Variants in CNTNAP4 observed in about 807,000 individuals in gnomAD.
CNTNAP4 encodes contactin associated protein family member 4, also known as contactin-associated protein-like 4.
Under a neutral mutation model 148.4 loss-of-function variants are expected in CNTNAP4, and 98 were observed. The observed-to-expected ratio is 0.66, with a 90% CI of 0.56 to 0.78. The LOEUF (loss-of-function observed/expected upper bound fraction) is 0.78, where lower values mean the gene tolerates loss of function less well. Ranked by LOEUF, CNTNAP4 falls within the 30% of genes least tolerant of loss-of-function variation. CNTNAP4 has a pLI of 0.00. For missense variants in CNTNAP4, 1,935 were observed against 1,565.6 expected (o/e 1.24, Z -3.98); for synonymous variants, 730 against 565.1 (o/e 1.29, Z -4.14).
rs534190773 is a variant in CNTNAP4, at chr16:76,471,161, G to A, written c.1655+3638G>A. Among the ~76,000 whole-genome samples, 226 of 152,036 alleles carry A rather than the reference G, an allele frequency of 1.5e-3. 1 individual carries two copies. The highest frequency in any genetic ancestry group is 2.6e-3 in the Non-Finnish European group (180 of 67,962). Reference sequence around the variant, plus strand: ...AGAAGCCCTCCCCTTGTCCTCTGTGGACATGCAGTGGGGTGGCCCTCAGTC... The same window carrying A: ...AGAAGCCCTCCCCTTGTCCTCTGTGAACATGCAGTGGGGTGGCCCTCAGTC... On this transcript the variant is annotated intron_variant, in intron 10 of 23. Coordinates refer to ENST00000611870, the MANE Select transcript of CNTNAP4 (RefSeq NM_033401.5).
At chr16:76,298,657 A>G (rs535362436) in intron 1 of CNTNAP4, among the ~76,000 whole-genome samples, 1 of 152,090 alleles carries the variant, frequency 6.6e-6, no homozygotes, top group South Asian at 2.1e-4. Flanking sequence ...CCTTAAAGTA[A>G]TGGGGTGGCT....
At chr16:76,459,151 T>C (rs1015061954) in intron 8 of CNTNAP4, among the ~76,000 whole-genome samples, 3 of 152,158 alleles carry the variant, frequency 2.0e-5, no homozygotes, top group African/African-American at 7.2e-5. Context: ...GTCGGAGAAA[T>C]GCCAGGGGCA....
At chr16:76,515,219 G>A (rs769844050) in intron 15 of CNTNAP4, among the ~76,000 whole-genome samples, 15 of 152,180 alleles carry the variant, frequency 9.9e-5, no homozygotes, top group Non-Finnish European at 1.8e-4. Flanking sequence ...TAGAATATAT[G>A]AAGAATCCTC....
At chr16:76,343,818 T>C (rs916287009) in intron 2 of CNTNAP4, among the ~76,000 whole-genome samples, 1 of 152,118 alleles carries the variant, frequency 6.6e-6, no homozygotes, top group Non-Finnish European at 1.5e-5. Flanking sequence ...CAAATCTAAA[T>C]GTGTTAGTCC....
intron 4 of CNTNAP4, among the ~76,000 whole-genome samples, chr16:76,431,689 G>A (rs994039828): frequency 6.6e-6 from 1 of 152,128 alleles, no homozygotes. Flanking sequence ...AAAAGTAAAG[G>A]GGGAGGTAAG....
intron 1 of CNTNAP4, 92 bp downstream of exon 1, chr16:76,277,839 ATTGCTGC>A: frequency 1.2e-6 from 1 of 825,260 alleles, no homozygotes; most frequent in South Asian, 1.5e-5. Context: ...TGCAGCTGGG[ATTGCTGC>A]AAAGCGTATT....
intron 15 of CNTNAP4, among the ~76,000 whole-genome samples, chr16:76,510,681 CTG>C (rs372947762): frequency 8.4e-4 from 128 of 152,202 alleles, no homozygotes; most frequent in African/African-American, 3.0e-3. Flanking sequence ...TTTTAGTTGA[CTG>C]TATTTCATTA....
rs374636743 is a variant in CNTNAP4 at position 76,448,178 on chromosome 16, A to G, written c.705A>G (p.Gln235=). 54 of 1,613,482 alleles carry G rather than the reference A, an allele frequency of 3.3e-5. No homozygotes were observed. In the African/African-American group the frequency reaches 5.7e-4, roughly 17 times the overall value. The change falls in exon 5 of 24, where the codon CAA becomes CAG. Residue 235 remains glutamine, a synonymous_variant. Coordinates refer to ENST00000611870, the MANE Select transcript of CNTNAP4 (RefSeq NM_033401.5). ...CAAATGGAGATCACATCACACTGCAATTAAGAAGAGCAAGACTCTTTTTAC... is the reference window on the plus strand; with the variant it reads ...CAAATGGAGATCACATCACACTGCAGTTAAGAAGAGCAAGACTCTTTTTAC... The part of the protein sequence containing the change: ...EGPNGDHITL[Q]LRRARLFLLI...
intron 10 of CNTNAP4, 48 bp downstream of exon 10, chr16:76,467,571 C>G: frequency 3.4e-6 from 5 of 1,479,928 alleles, no homozygotes; most frequent in Non-Finnish European, 3.6e-6. Flanking sequence ...ACTTTGGCAT[C>G]AGATTAAAAT....
intron 4 of CNTNAP4, among the ~76,000 whole-genome samples, chr16:76,431,693 A>C (rs1335670104): frequency 6.6e-6 from 1 of 152,120 alleles, no homozygotes; most frequent in Non-Finnish European, 1.5e-5. Flanking sequence ...GTAAAGGGGG[A>C]GGTAAGCAGA....
In CNTNAP4 at chr16:76,547,272, G is replaced by A. The variant is rs2084778087; in HGVS notation, c.3443-6011G>A. Among the ~76,000 whole-genome samples the A allele has an allele frequency of 2.6e-5, 4 of 151,980 alleles. No individual in the cohort carries two copies. In the South Asian group the frequency reaches 8.3e-4, roughly 32 times the overall value. On this transcript the variant is annotated intron_variant, in intron 21 of 23. Transcript: ENST00000611870. The stretch of plus-strand genomic sequence containing the variant: ...ACTGGATCACAATTCCACCACATGG[G>A]GAAAAAGAGAGATCGCAATTAAGAT...
chr16:76,539,793 G>A lies in CNTNAP4; in HGVS notation c.3295G>A (p.Ala1099Thr). The change falls in exon 20 of 24, where the codon GCT (alanine) becomes ACT (threonine). Residue 1099 changes from alanine to threonine, a missense_variant. Physicochemically the swap from Ala to Thr is moderately conservative, Grantham distance 58. Coordinates refer to ENST00000611870, the MANE Select transcript of CNTNAP4 (RefSeq NM_033401.5). ...TGTTAACTTTGATTTTAAAAACATGGCTGATGGACAACTTCACCACATAAT... is the reference window on the plus strand; with the variant it reads ...TGTTAACTTTGATTTTAAAAACATGACTGATGGACAACTTCACCACATAAT... ...DVVNFDFKNM[A>T]DGQLHHIMIN... is the part of the protein sequence containing the mutation. 6.2e-7 allele frequency: 1 copy of A among 1,602,824 alleles called. No individual in the cohort carries two copies. The highest frequency in any genetic ancestry group is 8.5e-7 in the Non-Finnish European group (1 of 1,174,022).
Position 76,401,245 on chromosome 16 carries a change from A to G in CNTNAP4, c.391-26207A>G, listed in dbSNP as rs922469759. Among the ~76,000 whole-genome samples, 3 of 151,928 alleles carry G rather than the reference A, an allele frequency of 2.0e-5. No individual in the cohort carries two copies. The East Asian group carries it at 5.8e-4, about 29-fold the overall frequency. On this transcript the variant is annotated intron_variant, in intron 3 of 23. Transcript: ENST00000611870. The stretch of plus-strand genomic sequence containing the variant: ...GTGTTTTGTTACTCTCATTGTAGAG[A>G]TCTTTTGCCTCCCTGGTTAGCTGTA...
intron 1 of CNTNAP4, among the ~76,000 whole-genome samples, chr16:76,308,832 AT>A (rs1454821323): frequency 6.6e-6 from 1 of 151,896 alleles, no homozygotes; most frequent in Non-Finnish European, 1.5e-5. Flanking sequence ...TTTATTTTTA[AT>A]TTTATTTTAG....
chr16:76,557,142 T>C (rs755110477), intron 23 of CNTNAP4, among the ~76,000 whole-genome samples: 36 of 152,182 alleles, frequency 2.4e-4, no homozygotes, highest in Non-Finnish European at 4.3e-4. Flanking sequence ...TCTTTAAGTA[T>C]TAGGCAACTC....
At chr16:76,537,308 G>C (rs2084253438) in intron 18 of CNTNAP4, among the ~76,000 whole-genome samples, 2 of 152,112 alleles carry the variant, frequency 1.3e-5, no homozygotes, top group Admixed American at 1.3e-4. Flanking sequence ...AAACATTACT[G>C]TATGATCCAG....
At chr16:76,380,177 A>G (rs1464290779) in intron 3 of CNTNAP4, among the ~76,000 whole-genome samples, 2 of 152,234 alleles carry the variant, frequency 1.3e-5, no homozygotes, top group African/African-American at 4.8e-5. Flanking sequence ...AGTGGCATAC[A>G]CTAAAGTTAT....
At chr16:76,416,040 T>C (rs1020317271) in intron 3 of CNTNAP4, among the ~76,000 whole-genome samples, 1 of 151,182 alleles carries the variant, frequency 6.6e-6, no homozygotes, top group African/African-American at 2.4e-5. Context: ...TGTCTTAACT[T>C]CTATCCTTAA....
chr16:76,485,273 A>G (rs2081988991), intron 12 of CNTNAP4, among the ~76,000 whole-genome samples: 1 of 151,432 alleles, frequency 6.6e-6, no homozygotes, highest in South Asian at 2.1e-4. Flanking sequence ...ATGCACCACC[A>G]CGCCCAGCCA....
Sources: gnomAD v4.1 joint callset for allele counts (sites outside exome capture counted in the v4.1 genomes callset) on GRCh38, gnomAD v4.1.1 for gene constraint, MANE v1.5 for transcripts, NCBI Gene and HGNC (gene_info 2026-07-23, HGNC 2026-07-21) for gene names.